The following PACRG variants were observed in gnomAD, a reference collection of about 807,000 sequenced individuals.
PACRG encodes parkin coregulated.
A neutral mutation model predicts 29.7 loss-of-function variants in PACRG; 29 were observed. The observed-to-expected ratio is 0.98, with a 90% CI of 0.73 to 1.33. PACRG has a LOEUF of 1.33. Ranked by LOEUF, PACRG falls within the 40% of genes most tolerant of loss-of-function variation. The pLI is 0.00. For synonymous variants in PACRG, 116 were observed against 118.7 expected (o/e 0.98, Z 0.15); for missense variants, 279 against 316.2 (o/e 0.88, Z 0.89).
chr6:163,148,769 C>G (rs780728382), intron 4 of PACRG, among the ~76,000 whole-genome samples: 38 of 152,054 alleles, frequency 2.5e-4, no homozygotes, highest in Non-Finnish European at 5.0e-4. Context: ...CACACAGACC[C>G]TAAGCAGCTC....
intron 2 of PACRG, among the ~76,000 whole-genome samples, chr6:163,004,736 A>G (rs931810480): frequency 7.4e-6 from 1 of 135,318 alleles, no homozygotes; most frequent in African/African-American, 3.4e-5. Context: ...GTATATATAT[A>G]TACACACACA....
At chr6:163,049,228 G>A (rs776647544) in intron 2 of PACRG, among the ~76,000 whole-genome samples, 8 of 151,972 alleles carry the variant, frequency 5.3e-5, no homozygotes, top group Non-Finnish European at 1.0e-4. Flanking sequence ...TTATAATAAG[G>A]TTAAATCTCC....
chr6:162,783,388 ATT>A, intron 1 of PACRG, among the ~76,000 whole-genome samples: 1 of 152,052 alleles, frequency 6.6e-6, no homozygotes, highest in Admixed American at 6.5e-5. Context: ...TGTACTAAAC[ATT>A]TTTTAAGCAT....
At chr6:163,250,066 G>A (rs1008380655) in intron 4 of PACRG, among the ~76,000 whole-genome samples, 1 of 152,214 alleles carries the variant, frequency 6.6e-6, no homozygotes, top group Non-Finnish European at 1.5e-5. Context: ...CTTCCAAGTG[G>A]TCATAAGGTG....
chr6:163,121,527 C>T (rs541109563), intron 4 of PACRG, among the ~76,000 whole-genome samples: 23 of 152,256 alleles, frequency 1.5e-4, no homozygotes, highest in African/African-American at 4.1e-4. Context: ...AGGACTGCTG[C>T]GGCCTCTCTG....
intron 4 of PACRG, among the ~76,000 whole-genome samples, chr6:163,279,252 T>G (rs920627521): frequency 6.6e-6 from 1 of 152,180 alleles, no homozygotes; most frequent in African/African-American, 2.4e-5. Flanking sequence ...TCTTGGGTTT[T>G]CGAGGTATAC....
chr6:163,155,611 T>A (rs1412006825), intron 4 of PACRG, among the ~76,000 whole-genome samples: 3 of 152,238 alleles, frequency 2.0e-5, no homozygotes, highest in Non-Finnish European at 4.4e-5. Context: ...ACAGGGAAAG[T>A]TATCTGCAAC....
At chr6:162,813,193 CAT>C (rs903518900) in intron 1 of PACRG, among the ~76,000 whole-genome samples, 2 of 151,440 alleles carry the variant, frequency 1.3e-5, no homozygotes, top group African/African-American at 4.8e-5. Context: ...TACAAATTAA[CAT>C]ATAAAATAAC....
chr6:163,030,049 A>G lies in PACRG; in HGVS notation c.292-32101A>G, dbSNP rs556935780. Among the ~76,000 whole-genome samples, 20 of 152,348 alleles carry G rather than the reference A, an allele frequency of 1.3e-4. 1 individual carries two copies. The South Asian group carries it at 4.1e-3, about 32-fold the overall frequency. The stretch of plus-strand genomic sequence containing the variant: ...AAAATTACTTCCAGTAACATCAATG[A>G]AATAAACCTTTTTATCTATTTCATG... On this transcript the variant is annotated intron_variant, in intron 2 of 4. Transcript: ENST00000366888.
At chr6:163,004,882 A>G (rs905665107) in intron 2 of PACRG, among the ~76,000 whole-genome samples, 2 of 151,994 alleles carry the variant, frequency 1.3e-5, no homozygotes, top group Non-Finnish European at 2.9e-5. Context: ...TGATCCTACC[A>G]TTTACTAACT....
intron 4 of PACRG, among the ~76,000 whole-genome samples, chr6:163,112,915 A>G (rs1815789413): frequency 6.6e-6 from 1 of 152,242 alleles, no homozygotes; most frequent in Admixed American, 6.5e-5. Context: ...CCTAAGAAAC[A>G]ACAGATAGTA....
chr6:162,814,289 A>G lies in PACRG; in HGVS notation c.291+8A>G, dbSNP rs757727029. 1.9e-6 allele frequency: 3 copies of G among 1,613,278 alleles called. No individual in the cohort carries two copies. The highest frequency in any genetic ancestry group is 1.1e-5 in the South Asian group (1 of 91,016). The stretch of plus-strand genomic sequence containing the variant: ...AACAAAATCGCCTGGAAGGTAAGTC[A>G]GGGCACAGCTGTGCCGGCCAGCTGC... On this transcript the variant is annotated splice_region_variant and intron_variant, in intron 2 of 4. Coordinates refer to ENST00000366888, the MANE Select transcript of PACRG (RefSeq NM_001080379.2).
chr6:162,917,778 CCT>C (rs1161021436), intron 2 of PACRG, among the ~76,000 whole-genome samples: 2 of 152,008 alleles, frequency 1.3e-5, no homozygotes, highest in African/African-American at 4.8e-5. Flanking sequence ...TTTGGCCTAA[CCT>C]CTCTCTCTCA....
intron 4 of PACRG, among the ~76,000 whole-genome samples, chr6:163,091,946 C>A (rs1814145919): frequency 6.6e-6 from 1 of 152,152 alleles, no homozygotes; most frequent in Non-Finnish European, 1.5e-5. Flanking sequence ...GTAGAAAAAA[C>A]TCATCCTAAA....
chr6:162,831,132 A>T (rs1262096184), intron 2 of PACRG, among the ~76,000 whole-genome samples: 4 of 152,154 alleles, frequency 2.6e-5, no homozygotes, highest in African/African-American at 9.7e-5. Context: ...TGGTATTTGG[A>T]GCACGGAGGC....
At position 162,814,281 on chromosome 6, in the gene PACRG, G is replaced by A. The variant is rs764540949; in HGVS notation, c.291G>A (p.Lys97=). ...CGAAAGGAAACAAAATCGCCTGGAA[G>A]GTAAGTCAGGGCACAGCTGTGCCGG... is the stretch of plus-strand genomic sequence containing the variant. The part of the protein sequence containing the change: ...HDSKGNKIAW[K]VEIEKLDYHH... The change falls in exon 2 of 5, where the codon AAG becomes AAA. Residue 97 remains lysine, a splice_region_variant and synonymous_variant. Transcript: ENST00000366888. The A allele has an allele frequency of 6.2e-7, 1 of 1,613,570 alleles. No individual in the cohort carries two copies. Among genetic ancestry groups the A allele is most frequent in the Non-Finnish European group, 8.5e-7 (1 of 1,179,608 alleles).
At position 163,199,481 on chromosome 6, in the gene PACRG, G is replaced by A. The variant is rs539947750; in HGVS notation, c.613+110073G>A. 7.9e-5 allele frequency among the ~76,000 whole-genome samples: 12 copies of A among 152,196 alleles called. No individual in the cohort carries two copies. The East Asian group carries it at 1.5e-3, about 20-fold the overall frequency. On this transcript the variant is annotated intron_variant, in intron 4 of 4. Coordinates refer to ENST00000366888, the MANE Select transcript of PACRG (RefSeq NM_001080379.2). ...ATAACCCAGGGACTATTATCATCCC[G>A]TTTGCCTGGGGAGGAAACCCAGCCA...
chr6:163,123,649 C>T (rs182264489), intron 4 of PACRG, among the ~76,000 whole-genome samples: 1 of 152,294 alleles, frequency 6.6e-6, no homozygotes, highest in East Asian at 1.9e-4. Context: ...TGAACAGCAA[C>T]TCTGCATATG....
intron 4 of PACRG, among the ~76,000 whole-genome samples, chr6:163,287,391 G>A (rs1322010629): frequency 2.0e-5 from 3 of 152,114 alleles, no homozygotes; most frequent in Admixed American, 6.5e-5. Context: ...CCCAGAAGCC[G>A]GGGACCCTCA....
Sources: allele counts gnomAD v4.1 joint callset (sites outside exome capture counted in the v4.1 genomes callset), GRCh38; gene constraint gnomAD v4.1.1; transcripts MANE v1.5; gene names NCBI Gene and HGNC (gene_info 2026-07-23, HGNC 2026-07-21).